The following RASSF3 variants were observed in gnomAD, a reference collection of about 807,000 sequenced individuals.
RASSF3 encodes the protein ras association domain-containing protein 3.
Under a neutral mutation model 19.9 loss-of-function variants are expected in RASSF3, and 19 were observed. The observed-to-expected ratio is 0.96, with a 90% CI of 0.67 to 1.40. RASSF3 has a LOEUF of 1.40. RASSF3 is among the 40% of genes most tolerant of loss of function. RASSF3 has a pLI of 0.00. For missense variants in RASSF3, 306 were observed against 289.8 expected, an observed-to-expected ratio of 1.06 and a Z score of -0.41; for synonymous variants, 110 against 104.2, an observed-to-expected ratio of 1.06 and a Z score of -0.34.
chr12:64,560,390 A>G (rs1869327758), intron 2 of RASSF3, among the ~76,000 whole-genome samples: 1 of 152,144 alleles, frequency 6.6e-6, no homozygotes, highest in Admixed American at 6.5e-5. Context: ...ATTGCTTGTT[A>G]TCACTTGGTG....
chr12:64,582,609 G>A (rs1869722439), intron 2 of RASSF3, among the ~76,000 whole-genome samples: 1 of 152,152 alleles, frequency 6.6e-6, no homozygotes, highest in Admixed American at 6.5e-5. Flanking sequence ...TTGAGGGGTA[G>A]GTGAGGAGTG....
At chr12:64,672,603 G>A (rs1872736672) in intron 1 of RASSF3, among the ~76,000 whole-genome samples, 2 of 151,950 alleles carry the variant, frequency 1.3e-5, no homozygotes, top group African/African-American at 2.4e-5. Context: ...CTACCTTCTG[G>A]GCTCAGGCAA....
intron 1 of RASSF3, among the ~76,000 whole-genome samples, chr12:64,649,233 C>A (rs893358951): frequency 2.6e-5 from 4 of 151,490 alleles, no homozygotes; most frequent in South Asian, 4.2e-4. Flanking sequence ...CGCTCTGTCG[C>A]CCAGGCTGGA....
At chr12:64,678,946 C>T (rs922273439) in intron 1 of RASSF3, among the ~76,000 whole-genome samples, 1 of 152,168 alleles carries the variant, frequency 6.6e-6, no homozygotes, top group Non-Finnish European at 1.5e-5. Context: ...TAGAATGTGG[C>T]AGAGCTGTGT....
At chr12:64,570,619 C>T (rs774219848) in intron 2 of RASSF3, among the ~76,000 whole-genome samples, 1 of 152,146 alleles carries the variant, frequency 6.6e-6, no homozygotes, top group Non-Finnish European at 1.5e-5. Flanking sequence ...TTGAAATATA[C>T]TTCTATCCAG....
In RASSF3 at chr12:64,654,532, C is replaced by T. The variant is rs573513886; in HGVS notation, c.112-30255C>T. Among the ~76,000 whole-genome samples, 19 of 151,464 alleles carry T rather than the reference C, an allele frequency of 1.3e-4. No individual in the cohort carries two copies. The East Asian group carries it at 2.1e-3, about 17-fold the overall frequency. On this transcript the variant is annotated intron_variant, in intron 1 of 4. Coordinates refer to ENST00000542104, the MANE Select transcript of RASSF3 (RefSeq NM_178169.4). ...AGAACTAATTCACCGTGGCTGGGCA[C>T]GGTGGCTTCTGCCTGCAATCTCAGC... is the stretch of plus-strand genomic sequence containing the variant.
intron 2 of RASSF3, among the ~76,000 whole-genome samples, chr12:64,598,495 T>C (rs539755850): frequency 4.6e-5 from 7 of 152,318 alleles, no homozygotes; most frequent in Admixed American, 3.3e-4. Context: ...GGCATGGATA[T>C]AGCACAGCAG....
chr12:64,537,523 C>T (rs1270945647), intron 1 of RASSF3, among the ~76,000 whole-genome samples: 1 of 152,192 alleles, frequency 6.6e-6, no homozygotes, highest in East Asian at 1.9e-4. Flanking sequence ...TCCCATACAA[C>T]TTAATAAGCT....
downstream of RASSF3, among the ~76,000 whole-genome samples, chr12:64,544,189 A>G (rs1869009837): frequency 6.6e-6 from 1 of 152,170 alleles, no homozygotes; most frequent in Middle Eastern, 3.4e-3. Context: ...TGAAACGCTC[A>G]TCGCGAAGGT....
At chr12:64,636,704 T>C (rs1871340145) in intron 1 of RASSF3, among the ~76,000 whole-genome samples, 1 of 151,868 alleles carries the variant, frequency 6.6e-6, no homozygotes, top group Non-Finnish European at 1.5e-5. Flanking sequence ...CTGTCTCTAC[T>C]AAAAATACAA....
intron 1 of RASSF3, among the ~76,000 whole-genome samples, chr12:64,632,021 C>T (rs1472503550): frequency 6.6e-6 from 1 of 152,116 alleles, no homozygotes; most frequent in Non-Finnish European, 1.5e-5. Context: ...AGAAAGAAGA[C>T]GTCTCTCCCA....
chr12:64,687,318 CAAAAAT>C (rs1353938434), intron 2 of RASSF3, among the ~76,000 whole-genome samples: 1 of 151,844 alleles, frequency 6.6e-6, no homozygotes, highest in African/African-American at 2.4e-5. Flanking sequence ...ATACTGAATA[CAAAAAT>C]AAAAATAAAA....
At chr12:64,666,920 CT>C (rs1409948228) in intron 1 of RASSF3, among the ~76,000 whole-genome samples, 1 of 152,166 alleles carries the variant, frequency 6.6e-6, no homozygotes, top group Non-Finnish European at 1.5e-5. Context: ...AGAGATTTGT[CT>C]TTTCCCATGA....
downstream of RASSF3, among the ~76,000 whole-genome samples, chr12:64,544,272 C>G (rs548819691): frequency 2.0e-5 from 3 of 151,904 alleles, no homozygotes; most frequent in Non-Finnish European, 4.4e-5. Flanking sequence ...GACGCACTGC[C>G]TTAAGAGCTC....
At chr12:64,513,691 G>T (rs1868342576) in intron 1 of RASSF3, among the ~76,000 whole-genome samples, 1 of 152,082 alleles carries the variant, frequency 6.6e-6, no homozygotes, top group African/African-American at 2.4e-5. Context: ...AGTTGCAGCA[G>T]CAAGGCTCAA....
At chr12:64,536,924 C>T (rs550054558) in intron 1 of RASSF3, among the ~76,000 whole-genome samples, 22 of 152,354 alleles carry the variant, frequency 1.4e-4, no homozygotes, top group South Asian at 2.1e-4. Flanking sequence ...AAATGGCCTA[C>T]GCCTAAAACC....
At chr12:64,507,495 A>C (rs1868299301) in intron 1 of RASSF3, 3 of 389,874 alleles carry the variant, frequency 7.7e-6, no homozygotes, top group Non-Finnish European at 1.4e-5. Context: ...AAATTGAGAG[A>C]AAATAAAATT....
At chr12:64,606,873 C>A (rs538424223), upstream of RASSF3, among the ~76,000 whole-genome samples, 2 of 150,426 alleles carry the variant, frequency 1.3e-5, no homozygotes, top group East Asian at 3.9e-4. Flanking sequence ...TTATTCCACC[C>A]CCTTCCCTGA....
upstream of RASSF3, among the ~76,000 whole-genome samples, chr12:64,610,169 G>C (rs1396155398): frequency 6.6e-6 from 1 of 152,230 alleles, no homozygotes; most frequent in Non-Finnish European, 1.5e-5. Context: ...GAGCCAGCGA[G>C]GCTGGGGGCG....
Sources: allele counts gnomAD v4.1 joint callset (sites outside exome capture counted in the v4.1 genomes callset), GRCh38; gene constraint gnomAD v4.1.1; transcripts MANE v1.5; gene names NCBI Gene and HGNC (gene_info 2026-07-23, HGNC 2026-07-21).